The following GLDC variants were observed in gnomAD, a reference collection of about 807,000 sequenced individuals.
GLDC encodes glycine decarboxylase.
A neutral mutation model predicts 121.3 loss-of-function variants in GLDC; 104 were observed. The ratio of observed to expected loss-of-function variants is 0.86; its 90% confidence interval spans 0.73 to 1.01. The LOEUF is 1.01. Among genes scored for constraint, GLDC ranks in the 50% least tolerant of loss-of-function variants. GLDC has a pLI of 0.00. For synonymous variants in GLDC, 546 were observed against 480.6 expected, an observed-to-expected ratio of 1.14 and a Z score of -1.78; for missense variants, 1,429 against 1,306.6, an observed-to-expected ratio of 1.09 and a Z score of -1.44.
chr9:6,558,369 G>A, intron 17 of GLDC, 190 bp downstream of exon 17: 1 of 724,284 alleles, frequency 1.4e-6, no homozygotes. Context: ...TTTTACACAA[G>A]CTGGAATTAG....
chr9:6,547,158 A>T (rs1817411234), intron 21 of GLDC, among the ~76,000 whole-genome samples: 1 of 152,180 alleles, frequency 6.6e-6, no homozygotes, highest in African/African-American at 2.4e-5. Context: ...TACTAAATAA[A>T]ATTAAACGTG....
chr9:6,588,326 A>G lies in GLDC; in HGVS notation c.1707+75T>C, dbSNP rs1382565263. On this transcript the variant is annotated intron_variant, in intron 14 of 24. Transcript: ENST00000321612. ...CAGAATCACAGTCCCAGTAGATTTC[A>G]CTAGTTCTGGGCTTAGGTGGAAGCT... is the stretch of plus-strand genomic sequence containing the variant. 3.1e-6 allele frequency: 3 copies of G among 962,522 alleles called. No homozygotes were observed. The Admixed American group carries it at 5.1e-5, about 16-fold the overall frequency. The allele number at this position is 962,522 out of a possible 1,614,324, so 59.6% of individuals were successfully genotyped here.
intron 2 of GLDC, 30 bp downstream of exon 2, chr9:6,644,583 TA>T: frequency 6.9e-7 from 1 of 1,449,084 alleles, no homozygotes; most frequent in African/African-American, 1.4e-5. Context: ...CAGAATAATC[TA>T]AGTCCAAGGG....
chr9:6,539,656 T>G (rs758549112), intron 22 of GLDC, among the ~76,000 whole-genome samples: 1 of 152,174 alleles, frequency 6.6e-6, no homozygotes, highest in African/African-American at 2.4e-5. Context: ...CTACACTTAT[T>G]TCTTCATCTC....
chr9:6,559,994 GC>G (rs1490032100), intron 16 of GLDC, among the ~76,000 whole-genome samples: 3 of 152,186 alleles, frequency 2.0e-5, no homozygotes, highest in Admixed American at 6.6e-5. Context: ...CAAGAGCTGA[GC>G]CTAAGTTAGA....
chr9:6,544,438 T>A (rs1246019339), intron 21 of GLDC, among the ~76,000 whole-genome samples: 2 of 152,012 alleles, frequency 1.3e-5, no homozygotes, highest in Non-Finnish European at 2.9e-5. Flanking sequence ...GAGGTCAAGA[T>A]TTCAAGATAA....
intron 17 of GLDC, among the ~76,000 whole-genome samples, chr9:6,556,861 G>C (rs1817644464): frequency 6.6e-6 from 1 of 152,068 alleles, no homozygotes; most frequent in Non-Finnish European, 1.5e-5. Flanking sequence ...CTATGGTCCA[G>C]ACCAAAAGGA....
At chr9:6,627,694 C>G (rs1368720287) in intron 2 of GLDC, among the ~76,000 whole-genome samples, 1 of 152,166 alleles carries the variant, frequency 6.6e-6, no homozygotes, top group East Asian at 1.9e-4. Context: ...AACTTCCCAA[C>G]AAAAACTTCC....
chr9:6,569,608 C>T (rs1817915202), intron 15 of GLDC, among the ~76,000 whole-genome samples: 1 of 152,064 alleles, frequency 6.6e-6, no homozygotes, highest in Non-Finnish European at 1.5e-5. Flanking sequence ...GCTGAGATCG[C>T]ACCACTGCAC....
At chr9:6,567,185 G>C (rs1817871218) in intron 15 of GLDC, 1 of 152,110 alleles carries the variant, frequency 6.6e-6, no homozygotes, top group Non-Finnish European at 1.5e-5. Flanking sequence ...TACAAGACCT[G>C]AGTCACCCCG....
rs77674962 is a variant in GLDC at position 6,644,313 on chromosome 9, C to A, written c.334+301G>T. Among the ~76,000 whole-genome samples, 305 of 151,990 alleles carry A rather than the reference C, an allele frequency of 2.0e-3. 1 individual carries two copies. Among genetic ancestry groups the A allele is most frequent in the Admixed American group, 3.9e-3 (59 of 15,258 alleles). ...ACCCAAAGTATGAGAGCACCCTGGC[C>A]GGTGAGAGGGTGCCTGGGAAGTGGG... On this transcript the variant is annotated intron_variant, in intron 2 of 24. Transcript: ENST00000321612.
At chr9:6,572,755 C>T (rs754768475) in intron 15 of GLDC, among the ~76,000 whole-genome samples, 2 of 152,206 alleles carry the variant, frequency 1.3e-5, no homozygotes, top group Non-Finnish European at 2.9e-5. Flanking sequence ...GTCTAATTCT[C>T]CAGCTTTTCC....
chr9:6,620,155 T>C, intron 3 of GLDC, 29 bp downstream of exon 3: 1 of 1,608,486 alleles, frequency 6.2e-7, no homozygotes, highest in African/African-American at 1.3e-5. Context: ...ATCACAGTCA[T>C]CCTGTTCCTG....
intron 2 of GLDC, among the ~76,000 whole-genome samples, chr9:6,633,950 C>T (rs994916040): frequency 8.0e-5 from 12 of 150,284 alleles, no homozygotes; most frequent in Non-Finnish European, 1.6e-4. Flanking sequence ...CTGCCTCAGC[C>T]TCCCGAGTAG....
chr9:6,549,981 T>C (rs1305676950), intron 21 of GLDC, among the ~76,000 whole-genome samples: 1 of 152,138 alleles, frequency 6.6e-6, no homozygotes, highest in Admixed American at 6.5e-5. Context: ...TCCAGCCTCA[T>C]TGTCATTTGC....
At chr9:6,593,208 G>A (rs1388148718) in intron 9 of GLDC, 14 of 519,068 alleles carry the variant, frequency 2.7e-5, no homozygotes, top group Non-Finnish European at 3.4e-6. Context: ...ACATACAATT[G>A]CATTACTGCG....
rs1236636035 is a variant in GLDC at position 6,536,132 on chromosome 9, T to A, written c.2770A>T (p.Ile924Phe). Residue 924 changes from isoleucine (I) to phenylalanine (F), a missense_variant, in exon 23 of 25, where the codon ATC (isoleucine) becomes TTC (phenylalanine). By Grantham distance (21) the Ile-to-Phe change is conservative (BLOSUM62 0). Transcript: ENST00000321612. ...TCAGCAATTTCCTGCCGAATGCTGA[T>A]CATGGCATCACAGAATCTGTCCAGC... ...AELDRFCDAMISIRQEIADIE... is the reference protein window; with the variant it reads ...AELDRFCDAMFSIRQEIADIE... The A allele has an allele frequency of 1.2e-5, 20 of 1,614,100 alleles. No homozygotes were observed. Among genetic ancestry groups the A allele is most frequent in the Non-Finnish European group, 1.7e-5 (20 of 1,179,942 alleles).
chr9:6,643,475 G>C (rs568182770), intron 2 of GLDC, among the ~76,000 whole-genome samples: 1 of 150,174 alleles, frequency 6.7e-6, no homozygotes, highest in Non-Finnish European at 1.5e-5. Context: ...CTCTTCATTT[G>C]ACTCTAGAAG....
intron 7 of GLDC, among the ~76,000 whole-genome samples, chr9:6,603,647 G>C (rs924728272): frequency 2.0e-5 from 3 of 151,736 alleles, no homozygotes; most frequent in Admixed American, 6.6e-5. Flanking sequence ...TTTATCAAAG[G>C]TCAAAAACAT....
Sources: gnomAD v4.1 joint callset for allele counts (sites outside exome capture counted in the v4.1 genomes callset) on GRCh38, gnomAD v4.1.1 for gene constraint, MANE v1.5 for transcripts, NCBI Gene and HGNC (gene_info 2026-07-23, HGNC 2026-07-21) for gene names.